The following ZFPM2 variants were observed in gnomAD, a reference collection of about 807,000 sequenced individuals.
ZFPM2 encodes the protein zinc finger protein, FOG family member 2.
In ZFPM2, 20 loss-of-function variants were observed where a neutral mutation model predicts 98.6. The observed-to-expected ratio is 0.20, with a 90% CI of 0.14 to 0.29. The LOEUF is 0.29. ZFPM2 is among the 10% of genes least tolerant of loss of function. The pLI is 1.00. For missense variants in ZFPM2, 1,310 were observed against 1,388.6 expected (o/e 0.94, Z 0.90); for synonymous variants, 518 against 502.7 (o/e 1.03, Z -0.41).
chr8:105,401,122 T>C (rs560131861), intron 1 of ZFPM2, among the ~76,000 whole-genome samples: 1 of 152,044 alleles, frequency 6.6e-6, no homozygotes, highest in Non-Finnish European at 1.5e-5. Context: ...TCTCATTAAG[T>C]TTTGTGATTT....
chr8:105,333,189 T>G (rs1470968706), intron 1 of ZFPM2, among the ~76,000 whole-genome samples: 1 of 151,734 alleles, frequency 6.6e-6, no homozygotes, highest in Non-Finnish European at 1.5e-5. Flanking sequence ...TTAACAATTA[T>G]TATCTTGAAT....
chr8:105,671,499 A>G (rs1277795329), intron 5 of ZFPM2, among the ~76,000 whole-genome samples: 1 of 151,862 alleles, frequency 6.6e-6, no homozygotes, highest in Non-Finnish European at 1.5e-5. Context: ...GAAAAAAAAG[A>G]ATTTTTAATT....
intron 1 of ZFPM2, among the ~76,000 whole-genome samples, chr8:105,416,550 T>C (rs531963589): frequency 5.4e-4 from 82 of 151,978 alleles, no homozygotes; most frequent in African/African-American, 1.9e-3. Context: ...ATTTTATATA[T>C]GAAAATATCT....
At chr8:105,785,995 T>C (rs1813403821) in intron 5 of ZFPM2, among the ~76,000 whole-genome samples, 1 of 127,482 alleles carries the variant, frequency 7.8e-6, no homozygotes, top group South Asian at 2.4e-4. Flanking sequence ...TGAGCGGAGA[T>C]GGCGCCACTG....
At chr8:105,758,443 T>C (rs1248485507) in intron 5 of ZFPM2, among the ~76,000 whole-genome samples, 1 of 152,166 alleles carries the variant, frequency 6.6e-6, no homozygotes, top group Non-Finnish European at 1.5e-5. Flanking sequence ...TTGTGCCATA[T>C]CTCAAGTTAA....
intron 3 of ZFPM2, among the ~76,000 whole-genome samples, chr8:105,494,227 A>ATATATATATATATATATAT (rs56993483): frequency 2.4e-5 from 3 of 127,644 alleles, no homozygotes; most frequent in Non-Finnish European, 3.3e-5. Flanking sequence ...ATATATATAT[A>ATATATATATATATATATAT]ATCTCAAACT....
At chr8:105,632,461 C>T (rs938872768) in intron 4 of ZFPM2, among the ~76,000 whole-genome samples, 1 of 152,094 alleles carries the variant, frequency 6.6e-6, no homozygotes, top group African/African-American at 2.4e-5. Context: ...TGAGCCACCA[C>T]GCCCGACCAC....
In ZFPM2 at chr8:105,801,359, C is replaced by T. The variant is rs1357843213; in HGVS notation, c.1277C>T (p.Ala426Val). The change falls in exon 8 of 8, where the codon GCC becomes GTC. Residue 426 changes from alanine to valine, a missense_variant. Coordinates refer to ENST00000407775, the MANE Select transcript of ZFPM2 (RefSeq NM_012082.4). Reference protein sequence around the residue: ...TRSELPQSQKAMQTKDASSDT... With the variant: ...TRSELPQSQKVMQTKDASSDT... The stretch of plus-strand genomic sequence containing the variant: ...AGCGAACTTCCCCAGAGCCAAAAGG[C>T]CATGCAGACTAAAGATGCGAGCTCT... 7 of 1,613,870 alleles carry T rather than the reference C, an allele frequency of 4.3e-6. No homozygotes were observed. The South Asian group carries it at 6.6e-5, about 15-fold the overall frequency.
chr8:105,679,810 A>G (rs563307608), intron 5 of ZFPM2, among the ~76,000 whole-genome samples: 4 of 151,984 alleles, frequency 2.6e-5, no homozygotes, highest in African/African-American at 4.8e-5. Context: ...AAAAAAAAAA[A>G]AAAGAAAGCA....
At chr8:105,410,911 C>A (rs886481422) in intron 1 of ZFPM2, among the ~76,000 whole-genome samples, 2 of 151,724 alleles carry the variant, frequency 1.3e-5, no homozygotes, top group African/African-American at 4.8e-5. Context: ...GCATTTCTCA[C>A]TTTGGGGAAA....
intron 6 of ZFPM2, among the ~76,000 whole-genome samples, chr8:105,791,698 C>A (rs1010912173): frequency 6.6e-6 from 1 of 152,118 alleles, no homozygotes; most frequent in African/African-American, 2.4e-5. Context: ...TGGTAGAATT[C>A]GGCTATGAAT....
intron 6 of ZFPM2, among the ~76,000 whole-genome samples, chr8:105,793,657 C>T (rs865821781): frequency 6.8e-6 from 1 of 147,868 alleles, no homozygotes; most frequent in Non-Finnish European, 1.5e-5. Flanking sequence ...GGGAAGTTCT[C>T]CTGGATAATA....
At chr8:105,477,086 T>G (rs1813026768) in intron 3 of ZFPM2, among the ~76,000 whole-genome samples, 1 of 152,132 alleles carries the variant, frequency 6.6e-6, no homozygotes, top group African/African-American at 2.4e-5. Context: ...CTTAGTAACA[T>G]AGTATTAAGA....
intron 3 of ZFPM2, among the ~76,000 whole-genome samples, chr8:105,463,232 A>G (rs573695911): frequency 6.6e-6 from 1 of 152,080 alleles, no homozygotes; most frequent in African/African-American, 2.4e-5. Flanking sequence ...GATCAACATT[A>G]TAGGTAACTT....
At chr8:105,707,713 T>C (rs1332156948) in intron 5 of ZFPM2, among the ~76,000 whole-genome samples, 2 of 152,242 alleles carry the variant, frequency 1.3e-5, no homozygotes, top group African/African-American at 2.4e-5. Context: ...GACATTGTTT[T>C]GTAGCAACAC....
intron 5 of ZFPM2, among the ~76,000 whole-genome samples, chr8:105,683,429 A>C (rs1397272944): frequency 6.6e-6 from 1 of 152,230 alleles, no homozygotes; most frequent in South Asian, 2.1e-4. Context: ...TTTTTTTGGG[A>C]ACAGGGAGGA....
intron 5 of ZFPM2, among the ~76,000 whole-genome samples, chr8:105,644,596 A>C (rs1276833641): frequency 6.6e-6 from 1 of 151,590 alleles, no homozygotes; most frequent in Non-Finnish European, 1.5e-5. Flanking sequence ...TTTCTCCTCT[A>C]TATCCATCAG....
At chr8:105,693,909 A>G (rs113341012) in intron 5 of ZFPM2, among the ~76,000 whole-genome samples, 1 of 151,850 alleles carries the variant, frequency 6.6e-6, no homozygotes, top group Non-Finnish European at 1.5e-5. Flanking sequence ...GAACATTTCA[A>G]ATATTATTGT....
chr8:105,640,431 G>A (rs1446695989), intron 5 of ZFPM2, among the ~76,000 whole-genome samples: 1 of 151,946 alleles, frequency 6.6e-6, no homozygotes, highest in Non-Finnish European at 1.5e-5. Flanking sequence ...CATGTAGACG[G>A]CTGCACAGCA....
Sources: allele counts gnomAD v4.1 joint callset (sites outside exome capture counted in the v4.1 genomes callset), GRCh38; gene constraint gnomAD v4.1.1; transcripts MANE v1.5; gene names NCBI Gene and HGNC (gene_info 2026-07-23, HGNC 2026-07-21).